N4BP2: variants seen among roughly 807,000 people sequenced by gnomAD.
N4BP2 encodes the protein NEDD4-binding protein 2.
In N4BP2, 91 loss-of-function variants were observed where a neutral mutation model predicts 152.8. The observed-to-expected ratio is 0.60, with a 90% CI of 0.50 to 0.71. N4BP2 has a LOEUF of 0.71. Among genes scored for constraint, N4BP2 ranks in the 30% least tolerant of loss-of-function variants. The pLI is 0.00. For missense variants in N4BP2, 1,923 were observed against 2,059.1 expected (o/e 0.93, Z 1.28); for synonymous variants, 646 against 705.3 (o/e 0.92, Z 1.33).
Position 40,120,660 on chromosome 4 carries a change from A to C in N4BP2, c.2549A>C (p.Asp850Ala). The C allele has an allele frequency of 6.2e-7, 1 of 1,614,148 alleles. No homozygotes were observed. Among genetic ancestry groups the C allele is most frequent in the South Asian group, 1.1e-5 (1 of 91,082 alleles). The change falls in exon 9 of 18, where the codon GAT (aspartate) becomes GCT (alanine). Residue 850 changes from aspartate (D) to alanine (A), a missense_variant. Transcript: ENST00000261435. ...GGATCTCCACATGAAAGTGTAGAGG[A>C]TGGCAGAAAGTCACAGTGTGATGAT... ...QRGSPHESVEDGRKSQCDDAS... is the reference protein window; with the variant it reads ...QRGSPHESVEAGRKSQCDDAS...
At chr4:40,106,000 G>A (rs1372771411) in intron 4 of N4BP2, among the ~76,000 whole-genome samples, 6 of 152,202 alleles carry the variant, frequency 3.9e-5, no homozygotes, top group African/African-American at 9.7e-5. Context: ...ATGAGTGCAA[G>A]CTTTTGTGTC....
At position 40,155,374 on chromosome 4, in the gene N4BP2, G is replaced by A. The variant is rs1721515946; in HGVS notation, c.*1137G>A. ...GATCACACCACTGCACTCAGCCTGG[G>A]TGACAGAGCAAGACTCCGTCTCCAA... On this transcript the variant is annotated 3_prime_UTR_variant, in exon 18 of 18. Transcript: ENST00000261435. 1.3e-5 allele frequency: 2 copies of A among 151,368 alleles called. No homozygotes were observed. The highest frequency in any genetic ancestry group is 4.9e-5 in the African/African-American group (2 of 41,092). The allele number at this position is 151,368 out of a possible 1,614,324, so 9.4% of individuals were successfully genotyped here. A position where few individuals can be genotyped will look rare whatever the true frequency, so the allele number is the denominator to read the frequency against.
At position 40,067,787 on chromosome 4, in the gene N4BP2, G is replaced by A. The variant is rs571798992; in HGVS notation, c.-211-5668G>A. On this transcript the variant is annotated intron_variant, in intron 1 of 17. Transcript: ENST00000261435. ...GATGTTGGCTCACTGTAACCTCTGC[G>A]TCCCAGGTTCAAGTGATTCTCCTGT... Among the ~76,000 whole-genome samples, 6 of 152,034 alleles carry A rather than the reference G, an allele frequency of 3.9e-5. No homozygotes were observed. The South Asian group carries it at 8.3e-4, about 21-fold the overall frequency.
At chr4:40,126,429 C>T in intron 12 of N4BP2, 99 bp downstream of exon 12, 1 of 539,890 alleles carries the variant, frequency 1.9e-6, no homozygotes, top group Non-Finnish European at 3.1e-6. Context: ...GTCTAGAATC[C>T]ATATTTAACC....
intron 2 of N4BP2, among the ~76,000 whole-genome samples, chr4:40,096,259 A>G (rs947657701): frequency 6.6e-6 from 1 of 152,152 alleles, no homozygotes; most frequent in Non-Finnish European, 1.5e-5. Flanking sequence ...AGAAAATTCA[A>G]GTAGGAAAGT....
intron 2 of N4BP2, among the ~76,000 whole-genome samples, chr4:40,076,206 T>C (rs976051562): frequency 6.6e-6 from 1 of 152,174 alleles, no homozygotes; most frequent in African/African-American, 2.4e-5. Context: ...CCAGGTGCGG[T>C]GGCTCCTGCC....
intron 14 of N4BP2, among the ~76,000 whole-genome samples, chr4:40,139,658 A>AT (rs1456986462): frequency 1.3e-5 from 2 of 151,314 alleles, no homozygotes; most frequent in African/African-American, 2.4e-5. Flanking sequence ...CTCCCAGCTA[A>AT]TTTTTTGTAT....
At chr4:40,107,098 T>TC in intron 5 of N4BP2, 74 bp downstream of exon 5, 1 of 1,524,996 alleles carries the variant, frequency 6.6e-7, no homozygotes, top group Non-Finnish European at 9.0e-7. Context: ...TATTTGTTTG[T>TC]GTGTTTGTTT....
chr4:40,132,166 A>C (rs1489280227), intron 13 of N4BP2, among the ~76,000 whole-genome samples: 1 of 152,138 alleles, frequency 6.6e-6, no homozygotes, highest in Non-Finnish European at 1.5e-5. Context: ...ACAGTAAAAA[A>C]TTAACAACTA....
the N4BP2 span, among the ~76,000 whole-genome samples, chr4:40,177,353 C>T: frequency 6.6e-6 from 1 of 152,250 alleles, no homozygotes; most frequent in South Asian, 2.1e-4. Context: ...CGGTGGTTCA[C>T]GCCTGTAATA....
the N4BP2 span, among the ~76,000 whole-genome samples, chr4:40,164,887 T>G: frequency 6.6e-6 from 1 of 152,224 alleles, no homozygotes; most frequent in African/African-American, 2.4e-5. Flanking sequence ...TAAAGGCAAC[T>G]CTGCTGATCT....
chr4:40,147,594 C>T (rs1436193798), intron 16 of N4BP2, among the ~76,000 whole-genome samples: 1 of 150,008 alleles, frequency 6.7e-6, no homozygotes, highest in African/African-American at 2.5e-5. Flanking sequence ...GGCTGACCCC[C>T]CCACCTCCCT....
At chr4:40,097,088 G>A in intron 2 of N4BP2, 139 bp from the exon 3 acceptor site, 1 of 389,446 alleles carries the variant, frequency 2.6e-6, no homozygotes, top group South Asian at 4.3e-5. Flanking sequence ...TGCATATTTT[G>A]AAGAGAGAGA....
At chr4:40,064,176 T>C (rs1733862331) in intron 1 of N4BP2, among the ~76,000 whole-genome samples, 1 of 152,222 alleles carries the variant, frequency 6.6e-6, no homozygotes, top group African/African-American at 2.4e-5. Flanking sequence ...AGAGATGCCC[T>C]GTACTATGGA....
intron 2 of N4BP2, among the ~76,000 whole-genome samples, chr4:40,088,702 G>A (rs895258385): frequency 2.0e-5 from 3 of 152,010 alleles, no homozygotes; most frequent in African/African-American, 7.2e-5. Flanking sequence ...GTTTCTCCTT[G>A]TTGGTCAGGC....
the N4BP2 span, among the ~76,000 whole-genome samples, chr4:40,183,956 G>A: frequency 6.6e-6 from 1 of 152,206 alleles, no homozygotes; most frequent in Admixed American, 6.5e-5. Flanking sequence ...TAACTGGTGA[G>A]GAGGACCTCT....
intron 5 of N4BP2, among the ~76,000 whole-genome samples, chr4:40,111,160 T>C (rs1361986188): frequency 6.6e-6 from 1 of 152,216 alleles, no homozygotes; most frequent in Non-Finnish European, 1.5e-5. Flanking sequence ...GGAAAGCTTC[T>C]GTATACCCTT....
At chr4:40,103,728 G>A (rs770254468) in intron 4 of N4BP2, among the ~76,000 whole-genome samples, 2 of 152,130 alleles carry the variant, frequency 1.3e-5, no homozygotes, top group Non-Finnish European at 2.9e-5. Flanking sequence ...GGACTTTTCT[G>A]TTCCAAAATA....
chr4:40,163,618 G>A, the N4BP2 span, among the ~76,000 whole-genome samples: 3 of 152,228 alleles, frequency 2.0e-5, no homozygotes, highest in Non-Finnish European at 4.4e-5. Context: ...GTCTGGAATT[G>A]CAGTTGCCTT....
Sources: allele counts gnomAD v4.1 joint callset (sites outside exome capture counted in the v4.1 genomes callset), GRCh38; gene constraint gnomAD v4.1.1; transcripts MANE v1.5; gene names NCBI Gene and HGNC (gene_info 2026-07-23, HGNC 2026-07-21).